Variants in RNF144A observed in about 807,000 individuals in gnomAD.
RNF144A encodes the protein E3 ubiquitin-protein ligase RNF144A.
A neutral mutation model predicts 38.7 loss-of-function variants in RNF144A; 11 were observed. The observed-to-expected ratio is 0.28, with a 90% CI of 0.18 to 0.47. The LOEUF is 0.47. Ranked by LOEUF, RNF144A falls within the 20% of genes least tolerant of loss-of-function variation. The pLI is 0.99. For missense variants in RNF144A, 316 were observed against 377.2 expected, an observed-to-expected ratio of 0.84 and a Z score of 1.34; for synonymous variants, 149 against 143.9, an observed-to-expected ratio of 1.04 and a Z score of -0.25.
intron 1 of RNF144A, among the ~76,000 whole-genome samples, chr2:6,940,451 TG>T (rs1665891945): frequency 6.6e-6 from 1 of 152,256 alleles, no homozygotes. Context: ...TGTCTGCCAT[TG>T]TACTATTTGT....
downstream of RNF144A, among the ~76,000 whole-genome samples, chr2:7,071,101 A>AT (rs1572509372): frequency 1.3e-5 from 2 of 151,862 alleles, no homozygotes; most frequent in Admixed American, 6.6e-5. Flanking sequence ...TGCCAGGCTA[A>AT]TTTTTTGTAT....
chr2:6,997,786 G>A (rs1253813379), intron 3 of RNF144A, among the ~76,000 whole-genome samples: 1 of 152,206 alleles, frequency 6.6e-6, no homozygotes, highest in East Asian at 1.9e-4. Context: ...GTTTCCCGGG[G>A]TCTGCAGGGA....
intron 3 of RNF144A, among the ~76,000 whole-genome samples, chr2:7,008,270 G>A (rs1397170685): frequency 6.6e-6 from 1 of 152,270 alleles, no homozygotes; most frequent in African/African-American, 2.4e-5. Flanking sequence ...GTGGTCACAT[G>A]TGCAGGCCTC....
At chr2:6,952,069 T>G (rs1666716694) in intron 2 of RNF144A, among the ~76,000 whole-genome samples, 1 of 152,204 alleles carries the variant, frequency 6.6e-6, no homozygotes, top group South Asian at 2.1e-4. Context: ...GGAAATTACC[T>G]TGTGTTTCTG....
Position 7,041,553 on chromosome 2 carries a change from T to TGTGATG in RNF144A, c.*1797_*1802dup. ...TGTGGCTCTCTGTCGTTTGTGGTGC[T>TGTGATG]GTGATGGTGTCTACTGTTAGAATAG... On this transcript the variant is annotated 3_prime_UTR_variant, in exon 9 of 9. Coordinates refer to ENST00000320892, the MANE Select transcript of RNF144A (RefSeq NM_014746.6). 2 of 986,112 alleles carry TGTGATG rather than the reference T, an allele frequency of 2.0e-6. No individual in the cohort carries two copies. The highest frequency in any genetic ancestry group is 2.4e-6 in the Non-Finnish European group (2 of 829,970). The allele number at this position is 986,112 out of a possible 1,614,324, so 61.1% of individuals were successfully genotyped here. A position where few individuals can be genotyped will look rare whatever the true frequency, so the allele number is the denominator to read the frequency against.
At chr2:7,015,291 C>G (rs1398849229) in intron 5 of RNF144A, among the ~76,000 whole-genome samples, 1 of 152,190 alleles carries the variant, frequency 6.6e-6, no homozygotes, top group Non-Finnish European at 1.5e-5. Context: ...AGTCCCTTAT[C>G]CCAGTAAGTG....
intron 1 of RNF144A, among the ~76,000 whole-genome samples, chr2:6,938,689 T>A (rs1273229111): frequency 6.6e-6 from 1 of 152,204 alleles, no homozygotes; most frequent in Non-Finnish European, 1.5e-5. Flanking sequence ...CCAGGGTCTT[T>A]TCAGTACCCT....
At chr2:6,945,148 A>C (rs3772023) in intron 2 of RNF144A, among the ~76,000 whole-genome samples, 18,927 of 152,284 alleles carry the variant, frequency 0.12, 1,515 homozygotes, top group African/African-American at 0.22. Context: ...CGGCTCGTTG[A>C]TGGTCTGCTT....
At chr2:6,987,331 G>C (rs1195818438) in intron 2 of RNF144A, among the ~76,000 whole-genome samples, 2 of 152,170 alleles carry the variant, frequency 1.3e-5, no homozygotes, top group East Asian at 3.9e-4. Context: ...AGTGTTGGAT[G>C]CTTCTCTAAG....
chr2:7,067,769 C>T (rs576919511), intron 6 of RNF144A, among the ~76,000 whole-genome samples: 30 of 152,262 alleles, frequency 2.0e-4, no homozygotes, highest in African/African-American at 7.0e-4. Flanking sequence ...GAAGCTTCTC[C>T]TATGTCTACC....
chr2:6,931,941 G>A (rs1025595472), intron 1 of RNF144A, among the ~76,000 whole-genome samples: 2 of 152,126 alleles, frequency 1.3e-5, no homozygotes, highest in African/African-American at 4.8e-5. Context: ...TTGATTGTTA[G>A]TGCTATTCAG....
chr2:6,939,767 T>C (rs977039500), intron 1 of RNF144A, among the ~76,000 whole-genome samples: 5 of 152,172 alleles, frequency 3.3e-5, no homozygotes, highest in African/African-American at 1.2e-4. Context: ...AGGTCTGTGT[T>C]TAGATTCAGT....
chr2:7,001,600 C>T (rs781558223), intron 3 of RNF144A, among the ~76,000 whole-genome samples: 6 of 152,048 alleles, frequency 3.9e-5, no homozygotes, highest in Admixed American at 1.3e-4. Context: ...CTGCTTGAGC[C>T]CAGGAGGTCG....
intron 5 of RNF144A, among the ~76,000 whole-genome samples, chr2:7,016,531 A>G (rs1319469690): frequency 6.7e-6 from 1 of 150,356 alleles, no homozygotes; most frequent in African/African-American, 2.4e-5. Context: ...TTGCATAAAC[A>G]TGAAGCCAAC....
chr2:7,029,678 C>T (rs1005968846), intron 7 of RNF144A, among the ~76,000 whole-genome samples: 2 of 152,234 alleles, frequency 1.3e-5, no homozygotes, highest in Non-Finnish European at 2.9e-5. Context: ...CCTGTCACTG[C>T]ACCAGGAAGA....
chr2:7,067,588 G>A (rs1335170802), intron 6 of RNF144A, among the ~76,000 whole-genome samples: 1 of 152,084 alleles, frequency 6.6e-6, no homozygotes, highest in Non-Finnish European at 1.5e-5. Context: ...CAGTATGTTG[G>A]AACTATCAAG....
chr2:6,947,684 G>A (rs551519035), intron 2 of RNF144A, among the ~76,000 whole-genome samples: 10 of 152,278 alleles, frequency 6.6e-5, no homozygotes, highest in Middle Eastern at 3.4e-3. Context: ...AAGGGCCTGA[G>A]TAGTTTTTAA....
intron 1 of RNF144A, among the ~76,000 whole-genome samples, chr2:6,923,382 G>C (rs1180808840): frequency 2.0e-5 from 3 of 152,074 alleles, no homozygotes; most frequent in African/African-American, 7.2e-5. Flanking sequence ...TCTCTATTCA[G>C]AGACCTCCAG....
Position 6,949,309 on chromosome 2 carries a change from GA to G in RNF144A, c.-12+8171del, listed in dbSNP as rs569472368. ...TGTATATAAATGTTTCCAGGATGGG[GA>G]AAAAAAAATCACATTTCAGAATCTT... On this transcript the variant is annotated intron_variant, in intron 2 of 8. Transcript: ENST00000320892. Among the ~76,000 whole-genome samples, 82 of 150,278 alleles carry G rather than the reference GA, an allele frequency of 5.5e-4. 1 individual carries two copies. The South Asian group carries it at 6.9e-3, about 13-fold the overall frequency.
Sources: allele counts gnomAD v4.1 joint callset (sites outside exome capture counted in the v4.1 genomes callset), GRCh38; gene constraint gnomAD v4.1.1; transcripts MANE v1.5; gene names NCBI Gene and HGNC (gene_info 2026-07-23, HGNC 2026-07-21).